The following CCDC138 variants were observed in gnomAD, a reference collection of about 807,000 sequenced individuals.
CCDC138 encodes the protein coiled-coil domain containing 138, also known as coiled-coil domain-containing protein 138.
Under a neutral mutation model 82.3 loss-of-function variants are expected in CCDC138, and 66 were observed. That is an observed-to-expected ratio of 0.80 (90% CI 0.66 to 0.98). The LOEUF (loss-of-function observed/expected upper bound fraction) is 0.98. Ranked by LOEUF, CCDC138 falls within the 50% of genes least tolerant of loss-of-function variation. The probability of loss-of-function intolerance (pLI) is 0.00; values close to 1 mark genes in which losing one functional copy is unlikely to be tolerated. For missense variants in CCDC138, 816 were observed against 758.9 expected (o/e 1.08, Z -0.88); for synonymous variants, 297 against 265.4 (o/e 1.12, Z -1.16).
At chr2:108,845,865 C>T (rs1215015018) in intron 11 of CCDC138, among the ~76,000 whole-genome samples, 5 of 152,148 alleles carry the variant, frequency 3.3e-5, no homozygotes, top group Non-Finnish European at 7.4e-5. Flanking sequence ...GCCACCGCGC[C>T]CAGCCTCATT....
downstream of CCDC138, chr2:108,878,376 TC>T: frequency 4.7e-6 from 1 of 213,668 alleles, no homozygotes; most frequent in Admixed American, 4.2e-5. Context: ...ATTGTCTCAT[TC>T]CCCAGTGCAT....
Position 108,798,461 on chromosome 2 carries a change from G to A in CCDC138, c.610G>A (p.Glu204Lys), listed in dbSNP as rs199640547. 9.2e-5 allele frequency: 149 copies of A among 1,613,464 alleles called. No individual in the cohort carries two copies. The highest frequency in any genetic ancestry group is 1.2e-4 in the Non-Finnish European group (142 of 1,179,830). The change falls in exon 6 of 15, where the codon GAA (glutamate) becomes AAA (lysine). Residue 204 changes from glutamate (E) to lysine (K), a missense_variant. By Grantham distance (56) the Glu-to-Lys change is moderately conservative. Transcript: ENST00000295124. ...ETAAQQKFAE[E>K]LQKRERFLLE... ...TGCAGCACAACAGAAATTTGCTGAA[G>A]AACTTCAAAAGCGAGAACGTTTTTT...
At chr2:108,861,678 A>G (rs1259855685) in intron 13 of CCDC138, among the ~76,000 whole-genome samples, 1 of 151,948 alleles carries the variant, frequency 6.6e-6, no homozygotes, top group Non-Finnish European at 1.5e-5. Flanking sequence ...ACAGGGTTTC[A>G]CCATATTGGC....
intron 10 of CCDC138, among the ~76,000 whole-genome samples, chr2:108,826,033 G>C (rs1686529055): frequency 6.6e-6 from 1 of 152,136 alleles, no homozygotes; most frequent in Admixed American, 6.5e-5. Context: ...TCATGTGCTT[G>C]TTGGCCGTTT....
intron 10 of CCDC138, among the ~76,000 whole-genome samples, chr2:108,834,750 T>C (rs1246953652): frequency 6.6e-6 from 1 of 152,200 alleles, no homozygotes. Context: ...TAACAATATC[T>C]TCCCATTCCT....
chr2:108,787,794 T>G (rs1288903548), intron 1 of CCDC138, among the ~76,000 whole-genome samples: 2 of 152,098 alleles, frequency 1.3e-5, no homozygotes, highest in African/African-American at 4.8e-5. Flanking sequence ...TTCGTTAGAT[T>G]GATTATGCAT....
rs151305493 is a variant in CCDC138 at position 108,819,994 on chromosome 2, A to G, written c.1206+3889A>G. 2.2e-4 allele frequency among the ~76,000 whole-genome samples: 33 copies of G among 152,364 alleles called. No homozygotes were observed. In the East Asian group the frequency reaches 5.8e-3, roughly 27 times the overall value. On this transcript the variant is annotated intron_variant, in intron 10 of 14. Coordinates refer to ENST00000295124, the MANE Select transcript of CCDC138 (RefSeq NM_144978.3). ...GTGACAGTATAAACTAGAAGATACA[A>G]ATTATAAGAAAGAACCAAATAAATT...
At chr2:108,833,636 G>C (rs904171608) in intron 10 of CCDC138, among the ~76,000 whole-genome samples, 1 of 151,920 alleles carries the variant, frequency 6.6e-6, no homozygotes, top group Non-Finnish European at 1.5e-5. Context: ...AAAAAGCAAA[G>C]TGAAAGATAC....
At chr2:108,848,418 A>C (rs1008183262) in intron 12 of CCDC138, among the ~76,000 whole-genome samples, 1 of 152,202 alleles carries the variant, frequency 6.6e-6, no homozygotes, top group African/African-American at 2.4e-5. Flanking sequence ...CTCTGTATTA[A>C]TCGAGGGCTT....
intron 4 of CCDC138, among the ~76,000 whole-genome samples, chr2:108,792,316 C>G (rs1680036696): frequency 6.6e-6 from 1 of 152,208 alleles, no homozygotes; most frequent in Non-Finnish European, 1.5e-5. Context: ...TTTTCCCTCT[C>G]CTTTGTTTTC....
chr2:108,813,451 A>G (rs1263250229), intron 9 of CCDC138, among the ~76,000 whole-genome samples: 2 of 152,072 alleles, frequency 1.3e-5, no homozygotes, highest in Admixed American at 6.6e-5. Context: ...AAACAAAACT[A>G]TTATATTTCA....
rs1008545031 is a variant in CCDC138, at chr2:108,809,511, G to A, written c.856-3120G>A. On this transcript the variant is annotated intron_variant, in intron 7 of 14. Transcript: ENST00000295124. ...GTGATCTTCAGTTTCATTCATCAGT[G>A]TTTTATAGTTTTCATCGTGGAAATC... Among the ~76,000 whole-genome samples, 7 of 150,446 alleles carry A rather than the reference G, an allele frequency of 4.7e-5. No homozygotes were observed. In the East Asian group the frequency reaches 1.4e-3, roughly 30 times the overall value.
Position 108,860,527 on chromosome 2 carries a change from A to G in CCDC138, c.1693+3557A>G, listed in dbSNP as rs368860515. Reference sequence around the variant, plus strand: ...AGGTTGTTGAGGTTTTTTTTTTTTTATCCTAAAGAGATGTTGGATTTTATC... The same window carrying G: ...AGGTTGTTGAGGTTTTTTTTTTTTTGTCCTAAAGAGATGTTGGATTTTATC... On this transcript the variant is annotated intron_variant, in intron 13 of 14. Transcript: ENST00000295124. 2.4e-3 allele frequency among the ~76,000 whole-genome samples: 344 copies of G among 143,862 alleles called. 1 individual carries two copies. The highest frequency in any genetic ancestry group is 7.3e-3 in the Middle Eastern group (2 of 274). The allele number at this position is 143,862 out of a possible 152,430, so 94.4% of individuals were successfully genotyped here. A position where few individuals can be genotyped will look rare whatever the true frequency, so the allele number is the denominator to read the frequency against.
chr2:108,810,848 A>G (rs545888575), intron 7 of CCDC138, among the ~76,000 whole-genome samples: 2 of 152,324 alleles, frequency 1.3e-5, no homozygotes, highest in African/African-American at 4.8e-5. Flanking sequence ...TTTTACTACA[A>G]TTCAATCTTG....
chr2:108,828,027 A>G (rs114885959), intron 10 of CCDC138, among the ~76,000 whole-genome samples: 1,920 of 152,190 alleles, frequency 0.013, 49 homozygotes, highest in African/African-American at 0.045. Context: ...AAACTTGTAA[A>G]TAGATTTCAC....
At chr2:108,825,413 C>T (rs1686396495) in intron 10 of CCDC138, among the ~76,000 whole-genome samples, 1 of 151,630 alleles carries the variant, frequency 6.6e-6, no homozygotes. Flanking sequence ...AGTTTTAGAA[C>T]ATTTTATCTC....
intron 10 of CCDC138, among the ~76,000 whole-genome samples, chr2:108,816,390 G>A (rs1052280871): frequency 6.6e-6 from 1 of 152,166 alleles, no homozygotes; most frequent in Non-Finnish European, 1.5e-5. Flanking sequence ...GGTGGAGGTT[G>A]CAGTGAGCCA....
At chr2:108,786,977 G>C in intron 1 of CCDC138, 62 bp downstream of exon 1, 1 of 1,163,802 alleles carries the variant, frequency 8.6e-7, no homozygotes, top group Non-Finnish European at 1.1e-6. Flanking sequence ...CCCGCTCCGT[G>C]CCCCGCGCAG....
At chr2:108,861,444 T>G (rs1693586584) in intron 13 of CCDC138, among the ~76,000 whole-genome samples, 1 of 151,620 alleles carries the variant, frequency 6.6e-6, no homozygotes. Context: ...TTTTTTTATG[T>G]AGACATTTAG....
Sources: gnomAD v4.1 joint callset for allele counts (sites outside exome capture counted in the v4.1 genomes callset) on GRCh38, gnomAD v4.1.1 for gene constraint, MANE v1.5 for transcripts, NCBI Gene and HGNC (gene_info 2026-07-23, HGNC 2026-07-21) for gene names.